The following HHLA1 variants were observed in gnomAD, a reference collection of about 807,000 sequenced individuals.
The protein encoded by HHLA1 is HHLA1 neighbor of OC90, also known as HERV-H LTR-associating protein 1.
A neutral mutation model predicts 69.9 loss-of-function variants in HHLA1; 72 were observed. The ratio of observed to expected loss-of-function variants is 1.03; its 90% CI spans 0.85 to 1.25. The LOEUF (loss-of-function observed/expected upper bound fraction) is 1.25, where lower values mean the gene tolerates loss of function less well. Among genes scored for constraint, HHLA1 ranks in the 50% most tolerant of loss-of-function variants. HHLA1 has a pLI of 0.00. For missense variants in HHLA1, 685 were observed against 642.2 expected, an observed-to-expected ratio of 1.07 and a Z score of -0.72; for synonymous variants, 252 against 233.2, an observed-to-expected ratio of 1.08 and a Z score of -0.73.
intron 7 of HHLA1, among the ~76,000 whole-genome samples, chr8:132,090,522 C>G (rs1377651852): frequency 1.3e-5 from 2 of 152,114 alleles, no homozygotes; most frequent in Non-Finnish European, 2.9e-5. Flanking sequence ...AATACAGAAC[C>G]AAGAGAGGTA....
chr8:132,079,649 A>G lies in HHLA1; in HGVS notation c.925+69T>C, dbSNP rs191530336. ...GGATTAAGGTAAGGATTTTGCTTATATATGTGAGCCTAGAGGTAACAGGAG... is the reference window on the plus strand; with the variant it reads ...GGATTAAGGTAAGGATTTTGCTTATGTATGTGAGCCTAGAGGTAACAGGAG... On this transcript the variant is annotated intron_variant, in intron 11 of 16. Transcript: ENST00000414222. 9.7e-4 allele frequency: 1,412 copies of G among 1,449,360 alleles called. 11 individuals carry two copies. Among genetic ancestry groups the G allele is most frequent in the Non-Finnish European group, 2.8e-4 (305 of 1,093,738 alleles). The allele number at this position is 1,449,360 out of a possible 1,614,324, so 89.8% of individuals were successfully genotyped here.
chr8:132,095,398 G>C (rs1824006042), intron 7 of HHLA1, 121 bp downstream of exon 7: 4 of 583,648 alleles, frequency 6.9e-6, no homozygotes, highest in Non-Finnish European at 9.1e-6. Context: ...ATGAGCACAT[G>C]GTTAAGGGTA....
chr8:132,088,287 G>A lies in HHLA1; in HGVS notation c.533-386C>T, dbSNP rs56045604. Among the ~76,000 whole-genome samples, 492 of 152,284 alleles carry A rather than the reference G, an allele frequency of 3.2e-3. 4 individuals are homozygous for A. Among genetic ancestry groups the A allele is most frequent in the African/African-American group, 0.011 (469 of 41,558 alleles). On this transcript the variant is annotated intron_variant, in intron 8 of 16. Coordinates refer to ENST00000414222, the MANE Select transcript of HHLA1 (RefSeq NM_001145095.3). ...TGCCCACATCTCTGTAAGACAACAT[G>A]TTTTGTGTGAGCTTGGTACCCAAAT...
chr8:132,078,076 T>C (rs1823678096), intron 11 of HHLA1, 105 bp from the exon 12 acceptor site: 7 of 1,237,246 alleles, frequency 5.7e-6, no homozygotes, highest in Middle Eastern at 2.1e-4. Flanking sequence ...GCAAATGCAA[T>C]GTGAACGTGT....
intron 14 of HHLA1, among the ~76,000 whole-genome samples, chr8:132,074,602 AT>A (rs144253262): frequency 2.1e-4 from 32 of 150,250 alleles, no homozygotes; most frequent in East Asian, 1.4e-3. Context: ...TTGTGGCATG[AT>A]TTTTTTTTTG....
chr8:132,092,175 C>G (rs1823956885), intron 7 of HHLA1, among the ~76,000 whole-genome samples: 3 of 152,158 alleles, frequency 2.0e-5, no homozygotes, highest in African/African-American at 7.2e-5. Flanking sequence ...TGATGGTTGT[C>G]TTTCAATATC....
At chr8:132,090,239 C>T (rs1311345068) in intron 7 of HHLA1, among the ~76,000 whole-genome samples, 1 of 152,148 alleles carries the variant, frequency 6.6e-6, no homozygotes, top group East Asian at 1.9e-4. Flanking sequence ...TTGAACAGGG[C>T]CATTGCCTGA....
chr8:132,091,534 C>T lies in HHLA1; in HGVS notation c.449-1935G>A, dbSNP rs145947959. Among the ~76,000 whole-genome samples the T allele has an allele frequency of 2.9e-3, 447 of 152,300 alleles. 2 individuals are homozygous for T. The highest frequency in any genetic ancestry group is 0.01 in the African/African-American group (427 of 41,546). On this transcript the variant is annotated intron_variant, in intron 7 of 16. Coordinates refer to ENST00000414222, the MANE Select transcript of HHLA1 (RefSeq NM_001145095.3). ...TCAATTCTCCCTTTAGAACTGTTTTCACAATCTGCTTTTTAGGCTTGGAAG... is the reference window on the plus strand; with the variant it reads ...TCAATTCTCCCTTTAGAACTGTTTTTACAATCTGCTTTTTAGGCTTGGAAG...
chr8:132,080,100 G>T, intron 10 of HHLA1, 134 bp from the exon 11 acceptor site: 1 of 1,248,368 alleles, frequency 8.0e-7, no homozygotes, highest in Non-Finnish European at 1.1e-6. Flanking sequence ...TCAGGCATTT[G>T]CTATGTTTCC....
At chr8:132,103,953 G>A in intron 3 of HHLA1, 155 bp downstream of exon 3, 1 of 597,402 alleles carries the variant, frequency 1.7e-6, no homozygotes, top group Non-Finnish European at 3.0e-6. Flanking sequence ...GAACCATAAA[G>A]AAATGAGTAG....
rs1320275835 is a variant in HHLA1, at chr8:132,077,760, T to G, written c.1137A>C (p.Thr379=). Residue 379 remains threonine, a synonymous_variant, in exon 12 of 17, where the codon ACA becomes ACC. Coordinates refer to ENST00000414222, the MANE Select transcript of HHLA1 (RefSeq NM_001145095.3). ...GGCTGGCCTGGGATGGGCTGCCAGG[T>G]GTGGCCATTATCTCAGCAGCAGGCG... ...LLAPAAEIMA[T]PGSPSQASPT... The G allele has an allele frequency of 1.9e-6, 3 of 1,551,548 alleles. No individual in the cohort carries two copies. In the Admixed American group the frequency reaches 5.9e-5, roughly 30 times the overall value.
At chr8:132,091,835 A>G (rs1237396425) in intron 7 of HHLA1, among the ~76,000 whole-genome samples, 1 of 152,332 alleles carries the variant, frequency 6.6e-6, no homozygotes, top group East Asian at 1.9e-4. Flanking sequence ...ACATTTTGGC[A>G]ATTCAAATCA....
intron 11 of HHLA1, among the ~76,000 whole-genome samples, chr8:132,078,788 T>C (rs1441276372): frequency 6.6e-6 from 1 of 152,110 alleles, no homozygotes; most frequent in Non-Finnish European, 1.5e-5. Context: ...TGGAAGGAAA[T>C]ATGTTTTGAT....
At chr8:132,101,797 C>G (rs71526234) in intron 3 of HHLA1, among the ~76,000 whole-genome samples, 4,356 of 152,286 alleles carry the variant, frequency 0.029, 89 homozygotes, top group South Asian at 0.062. Flanking sequence ...TGGTCTCAAA[C>G]TCCTGACCTC....
rs1307163841 is a variant in HHLA1, at chr8:132,076,479, TTG to T, written c.1234_1235del (p.Gln412AsnfsTer3). On this transcript the variant is annotated frameshift_variant, in exon 13 of 17. Coordinates refer to ENST00000414222, the MANE Select transcript of HHLA1 (RefSeq NM_001145095.3). LOFTEE classifies it high-confidence loss of function. ...CTTCCGTACTGAGTTTCTCACCTGT[TTG>T]TGGATATCTGGGGGCTGTTGCCTTG... ...PTKATAPRYP[Q>X]TGDLSAEWPF... 1 of 1,469,582 alleles carries T rather than the reference TTG, an allele frequency of 6.8e-7. No individual in the cohort carries two copies. The highest frequency in any genetic ancestry group is 2.1e-5 in the Admixed American group (1 of 47,784). 91.0% of individuals were successfully genotyped at this position (1,469,582 alleles called of 1,614,324 possible).
intron 7 of HHLA1, among the ~76,000 whole-genome samples, chr8:132,094,895 T>C (rs749635140): frequency 1.5e-4 from 23 of 152,212 alleles, no homozygotes; most frequent in Admixed American, 9.8e-4. Context: ...GCAAAAATTG[T>C]CACTTTTATT....
intron 3 of HHLA1, among the ~76,000 whole-genome samples, chr8:132,103,595 G>A (rs898040702): frequency 7.9e-5 from 12 of 151,990 alleles, no homozygotes; most frequent in Non-Finnish European, 1.5e-4. Flanking sequence ...TCCCATCTGG[G>A]TGACAGAGTA....
chr8:132,103,038 G>A (rs999280106), intron 3 of HHLA1, among the ~76,000 whole-genome samples: 1 of 152,106 alleles, frequency 6.6e-6, no homozygotes, highest in African/African-American at 2.4e-5. Context: ...AAAATAGAAG[G>A]TTCCTGGCAT....
chr8:132,089,953 C>T (rs1823922035), intron 7 of HHLA1, among the ~76,000 whole-genome samples: 1 of 152,154 alleles, frequency 6.6e-6, no homozygotes, highest in African/African-American at 2.4e-5. Flanking sequence ...AGAATGCCAA[C>T]TCCATCTGAT....
Sources: allele counts gnomAD v4.1 joint callset (sites outside exome capture counted in the v4.1 genomes callset), GRCh38; gene constraint gnomAD v4.1.1; transcripts MANE v1.5; gene names NCBI Gene and HGNC (gene_info 2026-07-23, HGNC 2026-07-21).